The following SAMD3 variants were observed in gnomAD, a reference collection of about 807,000 sequenced individuals.
SAMD3 encodes the protein sterile alpha motif domain containing 3.
Under a neutral mutation model 58.5 loss-of-function variants are expected in SAMD3, and 63 were observed. The observed-to-expected ratio is 1.08, with a 90% CI of 0.88 to 1.33. The LOEUF (loss-of-function observed/expected upper bound fraction) is 1.33. Among genes scored for constraint, SAMD3 ranks in the 40% most tolerant of loss-of-function variants. The pLI is 0.00. For synonymous variants in SAMD3, 220 were observed against 210.3 expected, an observed-to-expected ratio of 1.05 and a Z score of -0.40; for missense variants, 604 against 608.4, an observed-to-expected ratio of 0.99 and a Z score of 0.08.
chr6:130,176,070 A>G, intron 7 of SAMD3, 62 bp from the exon 8 acceptor site: 2 of 1,302,074 alleles, frequency 1.5e-6, no homozygotes, highest in Non-Finnish European at 1.1e-6. Flanking sequence ...TATAAACAAT[A>G]CGTCTATACA....
At chr6:130,188,666 A>T (rs922027788) in intron 5 of SAMD3, among the ~76,000 whole-genome samples, 1 of 152,148 alleles carries the variant, frequency 6.6e-6, no homozygotes, top group Non-Finnish European at 1.5e-5. Context: ...AAAGTCAATA[A>T]TGATTTCCTG....
intron 2 of SAMD3, among the ~76,000 whole-genome samples, chr6:130,285,496 T>C (rs1464809406): frequency 1.3e-5 from 2 of 152,190 alleles, no homozygotes; most frequent in Non-Finnish European, 2.9e-5. Context: ...TGAGAGGTCA[T>C]GATGCCCAAA....
chr6:130,354,429 C>T (rs1194509207), intron 1 of SAMD3, among the ~76,000 whole-genome samples: 2 of 152,146 alleles, frequency 1.3e-5, no homozygotes, highest in Non-Finnish European at 1.5e-5. Context: ...ACCTAAATTG[C>T]TCACCACTGG....
intron 5 of SAMD3, among the ~76,000 whole-genome samples, chr6:130,195,788 A>C (rs1322767503): frequency 6.6e-6 from 1 of 152,092 alleles, no homozygotes; most frequent in Non-Finnish European, 1.5e-5. Flanking sequence ...TCTTATAAAA[A>C]CACACGTGCT....
At position 130,144,402 on chromosome 6, in the gene SAMD3, C is replaced by G. The variant is rs1430550054; in HGVS notation, c.*118G>C. On this transcript the variant is annotated 3_prime_UTR_variant, in exon 12 of 12. Transcript: ENST00000439090. ...AGAAAGCATTGAAATTCATTAGCAT[C>G]TATAAATACAAGATGATTTTCTCAT... 2 of 860,758 alleles carry G rather than the reference C, an allele frequency of 2.3e-6. No homozygotes were observed. Among genetic ancestry groups the G allele is most frequent in the African/African-American group, 1.7e-5 (1 of 58,744 alleles). 53.3% of individuals were successfully genotyped at this position (860,758 alleles called of 1,614,324 possible).
At chr6:130,247,479 A>G (rs1773590087) in intron 2 of SAMD3, among the ~76,000 whole-genome samples, 1 of 151,994 alleles carries the variant, frequency 6.6e-6, no homozygotes. Flanking sequence ...AAAAAAAAAA[A>G]AAGGAAAATG....
chr6:130,293,197 G>T (rs1775441186), intron 2 of SAMD3, among the ~76,000 whole-genome samples: 1 of 152,118 alleles, frequency 6.6e-6, no homozygotes, highest in African/African-American at 2.4e-5. Context: ...CATTTGCTTG[G>T]GGTGCTGGGT....
intron 2 of SAMD3, among the ~76,000 whole-genome samples, chr6:130,286,641 C>T (rs903203274): frequency 1.3e-5 from 2 of 151,976 alleles, no homozygotes; most frequent in African/African-American, 4.8e-5. Context: ...TCTCCCGATG[C>T]TTCTGTATTT....
At chr6:130,166,757 T>G (rs530859500) in intron 8 of SAMD3, among the ~76,000 whole-genome samples, 2 of 152,326 alleles carry the variant, frequency 1.3e-5, no homozygotes, top group African/African-American at 4.8e-5. Flanking sequence ...TGCAAAAGGC[T>G]AACACACATA....
intron 1 of SAMD3, among the ~76,000 whole-genome samples, chr6:130,350,411 A>G (rs1008427366): frequency 2.6e-5 from 4 of 152,170 alleles, no homozygotes; most frequent in African/African-American, 4.8e-5. Flanking sequence ...AATCACAAGC[A>G]TTCTTATACA....
At chr6:130,199,719 T>C (rs1337866117) in intron 5 of SAMD3, among the ~76,000 whole-genome samples, 2 of 152,180 alleles carry the variant, frequency 1.3e-5, no homozygotes, top group Admixed American at 6.5e-5. Context: ...TCTCTGAAGA[T>C]ATTGAACAAT....
chr6:130,212,158 T>C (rs1044989814), intron 4 of SAMD3, among the ~76,000 whole-genome samples: 10 of 151,972 alleles, frequency 6.6e-5, no homozygotes, highest in African/African-American at 1.7e-4. Context: ...AACAGCATAT[T>C]CTCATGCCTC....
chr6:130,197,765 G>A (rs958301708), intron 5 of SAMD3, among the ~76,000 whole-genome samples: 3 of 151,944 alleles, frequency 2.0e-5, no homozygotes, highest in Non-Finnish European at 2.9e-5. Context: ...TTCGCTGTCC[G>A]AACACTTTAC....
chr6:130,326,054 G>A (rs1776748874), intron 1 of SAMD3, among the ~76,000 whole-genome samples: 2 of 152,294 alleles, frequency 1.3e-5, no homozygotes, highest in East Asian at 1.9e-4. Flanking sequence ...AAAACTCAAC[G>A]AATGTCAGAG....
At chr6:130,218,336 C>T (rs1463302543) in intron 1 of SAMD3, among the ~76,000 whole-genome samples, 1 of 152,206 alleles carries the variant, frequency 6.6e-6, no homozygotes. Flanking sequence ...TGGCTCCACC[C>T]CATTCTCTCA....
intron 1 of SAMD3, among the ~76,000 whole-genome samples, chr6:130,361,849 G>A (rs961791499): frequency 2.0e-5 from 3 of 152,174 alleles, no homozygotes; most frequent in Non-Finnish European, 4.4e-5. Context: ...GTGCCTGAGA[G>A]ATTTGTTGAA....
intron 1 of SAMD3, among the ~76,000 whole-genome samples, chr6:130,338,001 T>C (rs1777153440): frequency 6.6e-6 from 1 of 152,188 alleles, no homozygotes; most frequent in Admixed American, 6.5e-5. Flanking sequence ...GGAAAATTTC[T>C]CCAGAGCATG....
At chr6:130,305,011 T>G (rs994836577) in intron 2 of SAMD3, among the ~76,000 whole-genome samples, 2 of 144,670 alleles carry the variant, frequency 1.4e-5, no homozygotes, top group African/African-American at 2.6e-5. Flanking sequence ...CTTGGCTCAC[T>G]GTAGCCTCTG....
intron 2 of SAMD3, among the ~76,000 whole-genome samples, chr6:130,274,476 G>C (rs1774701509): frequency 6.6e-6 from 1 of 152,128 alleles, no homozygotes; most frequent in African/African-American, 2.4e-5. Flanking sequence ...TGTGAGTCTG[G>C]GGTATACAGC....
Sources: allele counts gnomAD v4.1 joint callset (sites outside exome capture counted in the v4.1 genomes callset), GRCh38; gene constraint gnomAD v4.1.1; transcripts MANE v1.5; gene names NCBI Gene and HGNC (gene_info 2026-07-23, HGNC 2026-07-21).